The following MAP2K4 variants were observed in gnomAD, a reference collection of about 807,000 sequenced individuals.
MAP2K4 encodes the protein mitogen-activated protein kinase kinase 4, also known as dual specificity mitogen-activated protein kinase kinase 4.
Under a neutral mutation model 48.5 loss-of-function variants are expected in MAP2K4, and 4 were observed. The observed-to-expected ratio is 0.08, with a 90% CI of 0.04 to 0.19. The LOEUF (loss-of-function observed/expected upper bound fraction) is 0.19. Among genes scored for constraint, MAP2K4 ranks in the 10% least tolerant of loss-of-function variants. The pLI is 1.00. For missense variants in MAP2K4, 258 were observed against 493.3 expected, an observed-to-expected ratio of 0.52 and a Z score of 4.52; for synonymous variants, 166 against 173.1, an observed-to-expected ratio of 0.96 and a Z score of 0.32.
At chr17:12,034,908 G>C (rs1003069917) in intron 1 of MAP2K4, among the ~76,000 whole-genome samples, 9 of 152,202 alleles carry the variant, frequency 5.9e-5, no homozygotes, top group East Asian at 1.9e-4. Flanking sequence ...GAGTTAAGCA[G>C]ATGTGTCTGT....
chr17:12,111,267 A>C (rs946464226), intron 6 of MAP2K4, among the ~76,000 whole-genome samples: 10 of 152,216 alleles, frequency 6.6e-5, no homozygotes, highest in African/African-American at 2.4e-4. Flanking sequence ...AGAAATTAGT[A>C]ATTGGGCCAT....
intron 4 of MAP2K4, among the ~76,000 whole-genome samples, chr17:12,105,307 A>C (rs537074482): frequency 1.9e-4 from 29 of 151,528 alleles, no homozygotes; most frequent in Admixed American, 1.9e-3. Flanking sequence ...ATGGTCTGCT[A>C]CTCCATTTGT....
At chr17:12,035,784 C>T (rs890461090) in intron 1 of MAP2K4, among the ~76,000 whole-genome samples, 3 of 152,198 alleles carry the variant, frequency 2.0e-5, no homozygotes, top group African/African-American at 4.8e-5. Context: ...GTACTGGCTG[C>T]TTCAAATGCT....
At chr17:12,024,233 T>C (rs1969185950) in intron 1 of MAP2K4, among the ~76,000 whole-genome samples, 1 of 152,218 alleles carries the variant, frequency 6.6e-6, no homozygotes, top group Non-Finnish European at 1.5e-5. Flanking sequence ...GCTATCAATT[T>C]GCTCTACTCA....
In MAP2K4 at chr17:12,076,279, C is replaced by CTGTGTGTGTG. The variant is rs372806903; in HGVS notation, c.219-5039_219-5030dup. ...TGTTCTGGGACATTATGTCACAGTT[C>CTGTGTGTGTG]TGTGTGTGTGTGTGTGTGTGTGTGT... On this transcript the variant is annotated intron_variant, in intron 2 of 10. Transcript: ENST00000353533. Among the ~76,000 whole-genome samples, 823 of 135,238 alleles carry CTGTGTGTGTG rather than the reference C, an allele frequency of 6.1e-3. 13 individuals are homozygous for CTGTGTGTGTG. The highest frequency in any genetic ancestry group is 8.7e-3 in the Non-Finnish European group (550 of 63,188). The allele number at this position is 135,238 out of a possible 152,430, so 88.7% of individuals were successfully genotyped here.
chr17:12,090,671 A>G (rs1971533426), intron 3 of MAP2K4, among the ~76,000 whole-genome samples: 1 of 152,150 alleles, frequency 6.6e-6, no homozygotes. Flanking sequence ...CTTCCCACCC[A>G]TGAAAACAAA....
At chr17:12,063,484 T>G (rs1056356949) in intron 2 of MAP2K4, among the ~76,000 whole-genome samples, 1 of 152,206 alleles carries the variant, frequency 6.6e-6, no homozygotes. Flanking sequence ...TATGCAAAAA[T>G]TACCTCAAGA....
chr17:12,109,852 G>A (rs961805897), intron 5 of MAP2K4, among the ~76,000 whole-genome samples: 6 of 152,070 alleles, frequency 3.9e-5, no homozygotes, highest in African/African-American at 1.4e-4. Flanking sequence ...TAGAGGCCAG[G>A]CACAATGGTT....
intron 9 of MAP2K4, among the ~76,000 whole-genome samples, chr17:12,130,686 T>C (rs191140891): frequency 6.6e-6 from 1 of 152,332 alleles, no homozygotes; most frequent in Admixed American, 6.5e-5. Flanking sequence ...TCCATGTCAT[T>C]GCAAATCATT....
chr17:12,041,423 T>C (rs1969777074), intron 1 of MAP2K4, among the ~76,000 whole-genome samples: 1 of 152,218 alleles, frequency 6.6e-6, no homozygotes, highest in South Asian at 2.1e-4. Flanking sequence ...TTAAAAATGA[T>C]TATATAGTGA....
intron 7 of MAP2K4, among the ~76,000 whole-genome samples, chr17:12,122,793 G>A (rs563613623): frequency 7.9e-5 from 12 of 152,234 alleles, no homozygotes; most frequent in South Asian, 6.2e-4. Flanking sequence ...GCCCTTTATG[G>A]AAATGAAGAT....
chr17:12,024,449 T>C lies in MAP2K4; in HGVS notation c.115+3448T>C, dbSNP rs114119577. ...CAAAAGATTTGAGTGTCTTCACTCATTCTGACTCATTTTTTTTTCATGTTC... is the reference window on the plus strand; with the variant it reads ...CAAAAGATTTGAGTGTCTTCACTCACTCTGACTCATTTTTTTTTCATGTTC... On this transcript the variant is annotated intron_variant, in intron 1 of 10. Coordinates refer to ENST00000353533, the MANE Select transcript of MAP2K4 (RefSeq NM_003010.4). Among the ~76,000 whole-genome samples the C allele has an allele frequency of 2.0e-3, 307 of 152,336 alleles. 2 individuals carry two copies. Among genetic ancestry groups the C allele is most frequent in the African/African-American group, 6.8e-3 (284 of 41,574 alleles).
At chr17:12,113,994 A>G (rs547992640) in intron 7 of MAP2K4, among the ~76,000 whole-genome samples, 1 of 152,252 alleles carries the variant, frequency 6.6e-6, no homozygotes, top group African/African-American at 2.4e-5. Flanking sequence ...ACATTTCCCT[A>G]GGTGTTAATG....
Position 12,020,967 on chromosome 17 carries a change from G to A in MAP2K4, c.81G>A (p.Pro27=). 1 of 1,189,754 alleles carries A rather than the reference G, an allele frequency of 8.4e-7. No homozygotes were observed. Among genetic ancestry groups the A allele is most frequent in the Non-Finnish European group, 1.0e-6 (1 of 962,280 alleles). 73.7% of individuals were successfully genotyped at this position (1,189,754 alleles called of 1,614,324 possible). A position where few individuals can be genotyped will look rare whatever the true frequency, so the allele number is the denominator to read the frequency against. ...GCACCCCCGGCCCCGTAGGGTCCCC[G>A]GCGCCAGGCCACCCGGCCGTCAGCA... The part of the protein sequence containing the change: ...GSGTPGPVGS[P]APGHPAVSSM... Residue 27 remains proline, a synonymous_variant, in exon 1 of 11, where the codon CCG becomes CCA. Transcript: ENST00000353533.
chr17:12,140,154 C>T (rs1038324096), intron 10 of MAP2K4, among the ~76,000 whole-genome samples: 3 of 152,086 alleles, frequency 2.0e-5, no homozygotes, highest in African/African-American at 7.2e-5. Context: ...TTTAAGAAGC[C>T]ATTTTCCACT....
chr17:12,077,842 G>A (rs1303019675), intron 2 of MAP2K4, among the ~76,000 whole-genome samples: 1 of 152,182 alleles, frequency 6.6e-6, no homozygotes, highest in African/African-American at 2.4e-5. Context: ...GTGCTGGCAA[G>A]GTAGGTTTTA....
intron 1 of MAP2K4, among the ~76,000 whole-genome samples, chr17:12,029,227 AAGG>A (rs1035380285): frequency 3.9e-5 from 6 of 152,146 alleles, no homozygotes; most frequent in African/African-American, 7.2e-5. Context: ...TAGAGAGAAA[AAGG>A]AGGAGGAAAA....
chr17:12,142,151 C>T lies in MAP2K4; in HGVS notation c.*891C>T, dbSNP rs1973395086. 2 of 233,528 alleles carry T rather than the reference C, an allele frequency of 8.6e-6. No homozygotes were observed. The highest frequency in any genetic ancestry group is 4.4e-5 in the African/African-American group (2 of 45,464). 14.5% of individuals were successfully genotyped at this position (233,528 alleles called of 1,614,324 possible). Reference sequence around the variant, plus strand: ...GCAAAGTTTACAGATGTTTTTAATTCTAGTATTTTATCTGGAACAACTTGT... The same window carrying T: ...GCAAAGTTTACAGATGTTTTTAATTTTAGTATTTTATCTGGAACAACTTGT... On this transcript the variant is annotated 3_prime_UTR_variant, in exon 11 of 11. Transcript: ENST00000353533.
intron 2 of MAP2K4, among the ~76,000 whole-genome samples, chr17:12,076,233 C>T (rs1233198557): frequency 3.3e-5 from 5 of 150,904 alleles, no homozygotes; most frequent in Admixed American, 2.0e-4. Flanking sequence ...TACAGCTTTT[C>T]TCAGTGTCCA....
Sources: gnomAD v4.1 joint callset for allele counts (sites outside exome capture counted in the v4.1 genomes callset) on GRCh38, gnomAD v4.1.1 for gene constraint, MANE v1.5 for transcripts, NCBI Gene and HGNC (gene_info 2026-07-23, HGNC 2026-07-21) for gene names.